NSD3: variants seen among roughly 807,000 people sequenced by gnomAD.
NSD3 encodes histone-lysine N-methyltransferase NSD3.
NSD3 carries 24 observed loss-of-function variants against 160.8 expected under a neutral mutation model. The ratio of observed to expected loss-of-function variants is 0.15; its 90% CI spans 0.11 to 0.21. NSD3 has a LOEUF of 0.21. Ranked by LOEUF, NSD3 falls within the 10% of genes least tolerant of loss-of-function variation. The pLI is 1.00. For synonymous variants in NSD3, 520 were observed against 600.0 expected, an observed-to-expected ratio of 0.87 and a Z score of 1.95; for missense variants, 1,157 against 1,735.9, an observed-to-expected ratio of 0.67 and a Z score of 5.93.
chr8:38,359,732 T>C (rs1810914085), intron 1 of NSD3, among the ~76,000 whole-genome samples: 9 of 152,114 alleles, frequency 5.9e-5, no homozygotes, highest in Admixed American at 5.9e-4. Flanking sequence ...AAACGGATCC[T>C]GCTTGAAAAT....
At position 38,278,159 on chromosome 8, in the gene NSD3, C is replaced by T. The variant is rs551885870; in HGVS notation, c.3867+147G>A. 61 of 527,654 alleles carry T rather than the reference C, an allele frequency of 1.2e-4. 1 individual carries two copies. The highest frequency in any genetic ancestry group is 1.1e-3 in the Middle Eastern group (2 of 1,882). 32.7% of individuals were successfully genotyped at this position (527,654 alleles called of 1,614,324 possible). A position where few individuals can be genotyped will look rare whatever the true frequency, so the allele number is the denominator to read the frequency against. The stretch of plus-strand genomic sequence containing the variant: ...TTCACCGTGTTAGCCAGGATGGTCT[C>T]GATCTCCTGACCTCGTGATCTGCCC... On this transcript the variant is annotated intron_variant, in intron 22 of 23. Transcript: ENST00000317025.
At chr8:38,371,527 G>A (rs888001421) in intron 1 of NSD3, among the ~76,000 whole-genome samples, 3 of 152,138 alleles carry the variant, frequency 2.0e-5, no homozygotes, top group African/African-American at 7.2e-5. Flanking sequence ...ATTTAAAATC[G>A]CTATCGCCCA....
At chr8:38,333,844 G>A (rs979116543) in intron 4 of NSD3, among the ~76,000 whole-genome samples, 8 of 151,968 alleles carry the variant, frequency 5.3e-5, no homozygotes, top group Admixed American at 1.3e-4. Flanking sequence ...TCCGCAGTCC[G>A]GCCTGGGCGA....
At chr8:38,326,709 A>G (rs1453801348) in intron 7 of NSD3, 21 bp downstream of exon 7, 2 of 1,610,640 alleles carry the variant, frequency 1.2e-6, no homozygotes, top group African/African-American at 2.7e-5. Flanking sequence ...GGACCTATAT[A>G]TACTTTTCAT....
In NSD3 at chr8:38,338,614, G is replaced by A. The variant is rs1354032419; in HGVS notation, c.676-7C>T. On this transcript the variant is annotated splice_region_variant and splice_polypyrimidine_tract_variant and intron_variant, in intron 2 of 23. Coordinates refer to ENST00000317025, the MANE Select transcript of NSD3 (RefSeq NM_023034.2). ...CAACCCTCTCATTTGGTCTCTAGGT[G>A]AAAAGGTATAGGTAAGTAGAATAAA... 1.2e-6 allele frequency: 2 copies of A among 1,611,102 alleles called. No individual in the cohort carries two copies. Among genetic ancestry groups the A allele is most frequent in the South Asian group, 2.2e-5 (2 of 91,012 alleles).
rs145333309 is a variant in NSD3 at position 38,330,891 on chromosome 8, C to G, written c.1065+540G>C. 4.1e-3 allele frequency among the ~76,000 whole-genome samples: 609 copies of G among 149,414 alleles called. 5 individuals are homozygous for G. Among genetic ancestry groups the G allele is most frequent in the African/African-American group, 0.014 (581 of 40,580 alleles). On this transcript the variant is annotated intron_variant, in intron 5 of 23. Coordinates refer to ENST00000317025, the MANE Select transcript of NSD3 (RefSeq NM_023034.2). ...ATCTCGGTTGAACCAGTTACATAAGCTTTCTGTGCCTCAATTTCTTCATCT... is the reference window on the plus strand; with the variant it reads ...ATCTCGGTTGAACCAGTTACATAAGGTTTCTGTGCCTCAATTTCTTCATCT...
chr8:38,304,136 TATGATAA>T (rs1490646920), intron 14 of NSD3, among the ~76,000 whole-genome samples: 1 of 152,144 alleles, frequency 6.6e-6, no homozygotes. Context: ...ACCAAAACAT[TATGATAA>T]AATACAGCAT....
intron 12 of NSD3, among the ~76,000 whole-genome samples, chr8:38,306,098 G>A (rs950323693): frequency 6.6e-6 from 1 of 151,934 alleles, no homozygotes; most frequent in Non-Finnish European, 1.5e-5. Flanking sequence ...ATCAACATTC[G>A]CCAGGGAGAA....
chr8:38,349,665 TTA>T (rs71519992), intron 1 of NSD3, among the ~76,000 whole-genome samples: 1,661 of 109,768 alleles, frequency 0.015, 23 homozygotes, highest in Middle Eastern at 0.02. Flanking sequence ...ATTTCTTTCT[TTA>T]TATATATATA....
rs569181071 is a variant in NSD3, at chr8:38,354,159, C to T, written c.-44-5944G>A. On this transcript the variant is annotated intron_variant, in intron 1 of 23. Transcript: ENST00000317025. ...ATAAAACCAGTCATTTAGCAAATCT[C>T]GCATTTTCTTCCTTTGAAGTATTCT... Among the ~76,000 whole-genome samples, 3 of 152,286 alleles carry T rather than the reference C, an allele frequency of 2.0e-5. No homozygotes were observed. In the South Asian group the frequency reaches 6.2e-4, roughly 32 times the overall value.
chr8:38,317,114 C>A lies in NSD3; in HGVS notation c.1856-1072G>T. ...CCATGGAGAAACAAGTCTCCTGAGG[C>A]CATGAAGATCCGCAACAGGCTGAGT... On this transcript the variant is annotated intron_variant, in intron 9 of 23. Transcript: ENST00000317025. The surrounding 1 kb of genome is among the most constrained non-coding windows in gnomAD (Gnocchi z 5.3). 1 of 1,062,122 alleles carries A rather than the reference C, an allele frequency of 9.4e-7. No individual in the cohort carries two copies. The highest frequency in any genetic ancestry group is 1.1e-6 in the Non-Finnish European group (1 of 877,308). The allele number at this position is 1,062,122 out of a possible 1,614,324, so 65.8% of individuals were successfully genotyped here.
rs186747308 is a variant in NSD3, at chr8:38,282,465, G to A, written c.3502-882C>T. 4.4e-4 allele frequency among the ~76,000 whole-genome samples: 67 copies of A among 152,336 alleles called. No individual in the cohort carries two copies. In the East Asian group the frequency reaches 0.011, roughly 25 times the overall value. On this transcript the variant is annotated intron_variant, in intron 19 of 23. Transcript: ENST00000317025. ...GCGGGTGGATCACCAGAGGTCAGGCGTCCGAGACCAGCCTGGCCAACATGG... is the reference window on the plus strand; with the variant it reads ...GCGGGTGGATCACCAGAGGTCAGGCATCCGAGACCAGCCTGGCCAACATGG...
chr8:38,348,048 C>G lies in NSD3; in HGVS notation c.124G>C (p.Glu42Gln). Residue 42 changes from glutamate to glutamine, a missense_variant, in exon 2 of 24, where the codon GAA becomes CAA. By Grantham distance (29) the Glu-to-Gln change is conservative. Coordinates refer to ENST00000317025, the MANE Select transcript of NSD3 (RefSeq NM_023034.2). Reference protein sequence around the residue: ...DAFDNNSDIAEDGGQTPYEAT... With the variant: ...DAFDNNSDIAQDGGQTPYEAT... ...TCATATGGTGTCTGGCCACCATCTT[C>G]AGCAATGTCACTGTTGTTATCAAAG... 1 of 1,614,206 alleles carries G rather than the reference C, an allele frequency of 6.2e-7. No homozygotes were observed. Among genetic ancestry groups the G allele is most frequent in the Non-Finnish European group, 8.5e-7 (1 of 1,180,040 alleles).
chr8:38,366,048 T>C (rs1811097247), intron 1 of NSD3, among the ~76,000 whole-genome samples: 1 of 150,442 alleles, frequency 6.6e-6, no homozygotes, highest in Non-Finnish European at 1.5e-5. Flanking sequence ...GAGGCGAAGG[T>C]TGCAGTGGGC....
intron 3 of NSD3, among the ~76,000 whole-genome samples, chr8:38,337,885 C>CT (rs1265115444): frequency 6.6e-6 from 1 of 152,168 alleles, no homozygotes; most frequent in Non-Finnish European, 1.5e-5. Context: ...ATACTTTTCT[C>CT]TGATGCCTCC....
At chr8:38,351,497 T>C (rs1183531370) in intron 1 of NSD3, among the ~76,000 whole-genome samples, 2 of 151,306 alleles carry the variant, frequency 1.3e-5, no homozygotes, top group Admixed American at 1.3e-4. Flanking sequence ...ACCCCGTCTC[T>C]GCTAAAAATA....
At chr8:38,279,516 A>G in intron 21 of NSD3, 24 bp downstream of exon 21, 1 of 1,611,522 alleles carries the variant, frequency 6.2e-7, no homozygotes, top group South Asian at 1.1e-5. Context: ...GGAGGAAAGC[A>G]TGGGGAACGA....
intron 22 of NSD3, among the ~76,000 whole-genome samples, chr8:38,277,246 C>A (rs954858091): frequency 7.9e-5 from 12 of 152,046 alleles, no homozygotes; most frequent in African/African-American, 2.9e-4. Flanking sequence ...CTGGCCTTCA[C>A]TGACTTTTGA....
intron 12 of NSD3, among the ~76,000 whole-genome samples, chr8:38,307,634 A>G (rs1038725901): frequency 1.3e-5 from 2 of 152,198 alleles, no homozygotes; most frequent in African/African-American, 4.8e-5. Flanking sequence ...AATAGAATGC[A>G]TCTGTATTGA....
Sources: gnomAD v4.1 joint callset for allele counts (sites outside exome capture counted in the v4.1 genomes callset) on GRCh38, gnomAD v4.1.1 for gene constraint, Gnocchi (gnomAD v3.1) non-coding constraint, MANE v1.5 for transcripts, NCBI Gene and HGNC (gene_info 2026-07-23, HGNC 2026-07-21) for gene names.